The following SHROOM1 variants were observed in gnomAD, a reference collection of about 807,000 sequenced individuals.
SHROOM1 encodes the protein shroom family member 1, also known as protein Shroom1.
SHROOM1 carries 53 observed loss-of-function variants against 64.2 expected under a neutral mutation model. The ratio of observed to expected loss-of-function variants is 0.83; its 90% CI spans 0.66 to 1.04. The LOEUF is 1.04. Among genes scored for constraint, SHROOM1 ranks in the 50% least tolerant of loss-of-function variants. SHROOM1 has a pLI of 0.00. For synonymous variants in SHROOM1, 490 were observed against 518.9 expected (o/e 0.94, Z 0.76); for missense variants, 1,179 against 1,163.2 (o/e 1.01, Z -0.20).
In SHROOM1 at chr5:132,825,266, A is replaced by C; in HGVS notation, c.875T>G (p.Leu292Trp). The C allele has an allele frequency of 1.2e-6, 2 of 1,613,636 alleles. No homozygotes were observed. ...GGGCCTGAAGGCATCACCGAGCTTC[A>C]AGGACCCGGAGTCCAGGTTCATGGA... ...QGSMNLDSGS[L>W]KLGDAFRPAS... Residue 292 changes from leucine to tryptophan, a missense_variant, in exon 4 of 10, where the codon TTG becomes TGG. Transcript: ENST00000378679. This position sits in a 1 kb window ranked among gnomAD's most constrained non-coding sequence, Gnocchi z 5.1.
chr5:132,823,744 G>A lies in SHROOM1; in HGVS notation c.1832C>T (p.Thr611Ile), dbSNP rs1277960252. 7.5e-6 allele frequency: 12 copies of A among 1,599,938 alleles called. No individual in the cohort carries two copies. The highest frequency in any genetic ancestry group is 1.0e-5 in the Non-Finnish European group (12 of 1,173,684). The change falls in exon 8 of 10, where the codon ACC becomes ATC. Residue 611 changes from threonine to isoleucine, a missense_variant. By Grantham distance (89) the Thr-to-Ile change is moderately conservative (BLOSUM62 -1). Coordinates refer to ENST00000378679, the MANE Select transcript of SHROOM1 (RefSeq NM_001172700.2). This position sits in a 1 kb window ranked among gnomAD's most constrained non-coding sequence, Gnocchi z 4.6. ...FEPGSYQFSF[T>I]QLLPAPREET... ...CTCCCGAGGAGCCGGCAGGAGCTGG[G>A]TGAAGCTGAACTGATAGGACCTGGG...
intron 2 of SHROOM1, among the ~76,000 whole-genome samples, chr5:132,826,845 C>G (rs1340769590): frequency 1.3e-5 from 2 of 152,216 alleles, no homozygotes; most frequent in Admixed American, 1.3e-4. Flanking sequence ...GTGGCAGAAG[C>G]CTGCCTGGAA....
rs768985689 is a variant in SHROOM1 at position 132,829,928 on chromosome 5, G to A, written c.-501+666C>T. 485 of 985,488 alleles carry A rather than the reference G, an allele frequency of 4.9e-4. 2 individuals carry two copies. Among genetic ancestry groups the A allele is most frequent in the Admixed American group, 2.2e-3 (36 of 16,296 alleles). The allele number at this position is 985,488 out of a possible 1,614,324, so 61.0% of individuals were successfully genotyped here. ...GCTCATCGGTCGCTGCACCCCAGATGCAGAGTCTCTGGAGACCCGAGCTCC... is the reference window on the plus strand; with the variant it reads ...GCTCATCGGTCGCTGCACCCCAGATACAGAGTCTCTGGAGACCCGAGCTCC... On this transcript the variant is annotated intron_variant, in intron 1 of 9. Coordinates refer to ENST00000378679, the MANE Select transcript of SHROOM1 (RefSeq NM_001172700.2).
Position 132,826,061 on chromosome 5 carries a change from A to G in SHROOM1, c.80T>C (p.Met27Thr), listed in dbSNP as rs1758688283. ...TSSLDLWHLS[M>T]RADSAYSSFS... ...AGAGCTGTAGGCCGAGTCCGCGCGC[A>G]TGGACAGATGCCACAGGTCCAGGCT... Residue 27 changes from methionine to threonine, a missense_variant, in exon 4 of 10, where the codon ATG becomes ACG. Transcript: ENST00000378679. The G allele has an allele frequency of 2.0e-6, 3 of 1,463,650 alleles. No homozygotes were observed. Among genetic ancestry groups the G allele is most frequent in the African/African-American group, 1.4e-5 (1 of 69,092 alleles). The allele number at this position is 1,463,650 out of a possible 1,614,324, so 90.7% of individuals were successfully genotyped here. A position where few individuals can be genotyped will look rare whatever the true frequency, so the allele number is the denominator to read the frequency against.
intron 2 of SHROOM1, among the ~76,000 whole-genome samples, chr5:132,826,949 C>A (rs1255664498): frequency 6.6e-6 from 1 of 152,226 alleles, no homozygotes; most frequent in Non-Finnish European, 1.5e-5. Context: ...TGTTCCCCAA[C>A]AGCCTGAATC....
In SHROOM1 at chr5:132,823,390, G is replaced by C; in HGVS notation, c.2086C>G (p.Pro696Ala). 6.2e-7 allele frequency: 1 copy of C among 1,610,234 alleles called. No individual in the cohort carries two copies. The highest frequency in any genetic ancestry group is 8.5e-7 in the Non-Finnish European group (1 of 1,179,786). ...CGGCTGAACCGCTCCAGCTCCTGAGGGGCACAGGCCTGGCGCACTGCAGCC... is the reference window on the plus strand; with the variant it reads ...CGGCTGAACCGCTCCAGCTCCTGAGCGGCACAGGCCTGGCGCACTGCAGCC... The part of the protein sequence containing the change: ...LEAAVRQACA[P>A]QELERFSRFM... Residue 696 changes from proline (P) to alanine (A), a missense_variant, in exon 9 of 10, where the codon CCT (proline) becomes GCT (alanine). Pro to Ala is a conservative substitution (Grantham distance 27, BLOSUM62 -1). Coordinates refer to ENST00000378679, the MANE Select transcript of SHROOM1 (RefSeq NM_001172700.2). This position sits in a 1 kb window ranked among gnomAD's most constrained non-coding sequence, Gnocchi z 4.6.
Position 132,830,571 on chromosome 5 carries a change from G to C in SHROOM1, c.-501+23C>G, listed in dbSNP as rs1391123135. On this transcript the variant is annotated intron_variant, in intron 1 of 9. Coordinates refer to ENST00000378679, the MANE Select transcript of SHROOM1 (RefSeq NM_001172700.2). This position sits in a 1 kb window ranked among gnomAD's most constrained non-coding sequence, Gnocchi z 5.9. ...AAGCGGACCCAGCCGCCCGCTTCCC[G>C]CTCCCCCGCCCCCGCCGCGTACCTG... 1 of 985,172 alleles carries C rather than the reference G, an allele frequency of 1.0e-6. No homozygotes were observed. Among genetic ancestry groups the C allele is most frequent in the Non-Finnish European group, 1.2e-6 (1 of 829,790 alleles). 61.0% of individuals were successfully genotyped at this position (985,172 alleles called of 1,614,324 possible). A position where few individuals can be genotyped will look rare whatever the true frequency, so the allele number is the denominator to read the frequency against.
In SHROOM1 at chr5:132,823,988, T is replaced by A. The variant is rs769006102; in HGVS notation, c.1673A>T (p.Asp558Val). ...ELARLDPSLCDPLASQPSPEP... is the reference protein window; with the variant it reads ...ELARLDPSLCVPLASQPSPEP... ...TGGGCTGGGCTGGGAAGCAAGAGGG[T>A]CACATAGAGAGGGATCTAATCTGGC... Residue 558 changes from aspartate (D) to valine (V), a missense_variant, in exon 7 of 10, where the codon GAC becomes GTC. Coordinates refer to ENST00000378679, the MANE Select transcript of SHROOM1 (RefSeq NM_001172700.2). The surrounding 1 kb of genome is among the most constrained non-coding windows in gnomAD (Gnocchi z 4.6). 2.5e-6 allele frequency: 4 copies of A among 1,605,038 alleles called. No individual in the cohort carries two copies. Among genetic ancestry groups the A allele is most frequent in the Non-Finnish European group, 1.7e-6 (2 of 1,175,556 alleles).
Position 132,826,434 on chromosome 5 carries a change from C to G in SHROOM1, c.-200G>C. Reference sequence around the variant, plus strand: ...TCAGGGGAAGGAATTGGGACCAGCTCATTCCCTGCCAGGCTCCCCTTGCCC... The same window carrying G: ...TCAGGGGAAGGAATTGGGACCAGCTGATTCCCTGCCAGGCTCCCCTTGCCC... On this transcript the variant is annotated 5_prime_UTR_variant, in exon 3 of 10. An upstream start codon of the reference 5' UTR is lost. Coordinates refer to ENST00000378679, the MANE Select transcript of SHROOM1 (RefSeq NM_001172700.2). 1 of 431,112 alleles carries G rather than the reference C, an allele frequency of 2.3e-6. No individual in the cohort carries two copies. The highest frequency in any genetic ancestry group is 1.2e-4 in the South Asian group (1 of 8,082). 26.7% of individuals were successfully genotyped at this position (431,112 alleles called of 1,614,324 possible).
intron 2 of SHROOM1, among the ~76,000 whole-genome samples, chr5:132,826,946 C>G (rs1199086551): frequency 6.6e-6 from 1 of 152,190 alleles, no homozygotes; most frequent in Non-Finnish European, 1.5e-5. Context: ...TCCTGTTCCC[C>G]AACAGCCTGA....
Position 132,825,577 on chromosome 5 carries a change from C to G in SHROOM1, c.564G>C (p.Ser188=). ...CCCCCTCCCCGCCCGGGTGGCTGAG[C>G]GAGGCGGAGCGCGGGTGAGTCGCCG... ...RPPATHPRSA[S]LSHPGGEGEP... Residue 188 remains serine (S), a synonymous_variant, in exon 4 of 10, where the codon TCG becomes TCC. Coordinates refer to ENST00000378679, the MANE Select transcript of SHROOM1 (RefSeq NM_001172700.2). This position sits in a 1 kb window ranked among gnomAD's most constrained non-coding sequence, Gnocchi z 5.1. 1 of 1,400,740 alleles carries G rather than the reference C, an allele frequency of 7.1e-7. No individual in the cohort carries two copies. The allele number at this position is 1,400,740 out of a possible 1,614,324, so 86.8% of individuals were successfully genotyped here. A position where few individuals can be genotyped will look rare whatever the true frequency, so the allele number is the denominator to read the frequency against.
rs1758804293 is a variant in SHROOM1 at position 132,830,151 on chromosome 5, T to G, written c.-501+443A>C. 1.5e-5 allele frequency: 15 copies of G among 984,570 alleles called. No homozygotes were observed. Among genetic ancestry groups the G allele is most frequent in the Non-Finnish European group, 1.8e-5 (15 of 829,698 alleles). The allele number at this position is 984,570 out of a possible 1,614,324, so 61.0% of individuals were successfully genotyped here. A position where few individuals can be genotyped will look rare whatever the true frequency, so the allele number is the denominator to read the frequency against. On this transcript the variant is annotated intron_variant, in intron 1 of 9. Transcript: ENST00000378679. This position sits in a 1 kb window ranked among gnomAD's most constrained non-coding sequence, Gnocchi z 5.9. ...AGCAGATGGCCGCAGCCCCGCGCAG[T>G]TCTGGGCCTTTCCCGTTGGGTTCAC... is the stretch of plus-strand genomic sequence containing the variant.
Position 132,825,361 on chromosome 5 carries a change from G to C in SHROOM1, c.780C>G (p.Phe260Leu), listed in dbSNP as rs1758637184. 2 of 1,599,628 alleles carry C rather than the reference G, an allele frequency of 1.3e-6. No individual in the cohort carries two copies. The highest frequency in any genetic ancestry group is 1.7e-5 in the Admixed American group (1 of 59,688). The part of the protein sequence containing the change: ...SGLPGPEPLE[F>L]QHPALAKFED... The stretch of plus-strand genomic sequence containing the variant: ...CAAACTTAGCCAGCGCCGGATGCTG[G>C]AACTCCAAGGGCTCGGGCCCAGGGA... The change falls in exon 4 of 10, where the codon TTC becomes TTG. Residue 260 changes from phenylalanine to leucine, a missense_variant. Coordinates refer to ENST00000378679, the MANE Select transcript of SHROOM1 (RefSeq NM_001172700.2). The surrounding 1 kb of genome is among the most constrained non-coding windows in gnomAD (Gnocchi z 5.1).
At position 132,823,085 on chromosome 5, in the gene SHROOM1, TCC is replaced by T; in HGVS notation, c.2268_2269del (p.Glu757GlyfsTer113). On this transcript the variant is annotated frameshift_variant, in exon 10 of 10. Transcript: ENST00000378679. LOFTEE classifies it high-confidence loss of function. The surrounding 1 kb of genome is among the most constrained non-coding windows in gnomAD (Gnocchi z 4.6). ...GTGCTCCTTCAGCTCCTTGGCGTCC[TCC>T]TCCTGCCGCTGCAGGAGCCGGAGTC... 1 of 1,584,328 alleles carries T rather than the reference TCC, an allele frequency of 6.3e-7. No homozygotes were observed. Among genetic ancestry groups the T allele is most frequent in the Non-Finnish European group, 8.5e-7 (1 of 1,172,618 alleles).
chr5:132,827,403 T>G (rs1215259123), intron 2 of SHROOM1, 58 bp downstream of exon 2: 1 of 152,154 alleles, frequency 6.6e-6, no homozygotes, highest in Non-Finnish European at 1.5e-5. Flanking sequence ...GATCACTAGG[T>G]AAAGAGATCA....
Position 132,822,873 on chromosome 5 carries a change from C to T in SHROOM1, c.2482G>A (p.Ala828Thr). 6.2e-7 allele frequency: 1 copy of T among 1,613,598 alleles called. No homozygotes were observed. Among genetic ancestry groups the T allele is most frequent in the Non-Finnish European group, 8.5e-7 (1 of 1,179,986 alleles). The stretch of plus-strand genomic sequence containing the variant: ...GGCCGCGCCGGGCTGGGAGACGGGG[C>T]ATGATGGCCAAGGTCGTCCCTGATG... ...DAIRDDLGHH[A>T]PSPSPARPPG... The change falls in exon 10 of 10, where the codon GCC becomes ACC. Residue 828 changes from alanine (A) to threonine (T), a missense_variant. Transcript: ENST00000378679.
In SHROOM1 at chr5:132,825,596, G is replaced by C. The variant is rs1488646478; in HGVS notation, c.545C>G (p.Thr182Ser). The change falls in exon 4 of 10, where the codon ACT becomes AGT. Residue 182 changes from threonine to serine, a missense_variant. By Grantham distance (58) the Thr-to-Ser change is moderately conservative. Coordinates refer to ENST00000378679, the MANE Select transcript of SHROOM1 (RefSeq NM_001172700.2). This position sits in a 1 kb window ranked among gnomAD's most constrained non-coding sequence, Gnocchi z 5.1. ...RPTVPARPPA[T>S]HPRSASLSHP... is the part of the protein sequence containing the mutation. ...GCTGAGCGAGGCGGAGCGCGGGTGA[G>C]TCGCCGGGGGCCGCGCTGGGACAGT... is the stretch of plus-strand genomic sequence containing the variant. 4 of 1,382,642 alleles carry C rather than the reference G, an allele frequency of 2.9e-6. No individual in the cohort carries two copies. In the Admixed American group the frequency reaches 1.5e-4, roughly 50 times the overall value. 85.6% of individuals were successfully genotyped at this position (1,382,642 alleles called of 1,614,324 possible).
rs1483604259 is a variant in SHROOM1, at chr5:132,825,879, C to CGGGCCG, written c.256_261dup (p.Arg86_Pro87dup). The CGGGCCG allele has an allele frequency of 6.1e-6, 8 of 1,301,776 alleles. No individual in the cohort carries two copies. In the East Asian group the frequency reaches 1.9e-4, roughly 31 times the overall value. 80.6% of individuals were successfully genotyped at this position (1,301,776 alleles called of 1,614,324 possible). ...TGCGGCCCACTGCGGGCTGCAACCG[C>CGGGCCG]GGGCCGGGGCCGCGGGGATGTGCAA... On this transcript the variant is annotated inframe_insertion, in exon 4 of 10. Coordinates refer to ENST00000378679, the MANE Select transcript of SHROOM1 (RefSeq NM_001172700.2). This position sits in a 1 kb window ranked among gnomAD's most constrained non-coding sequence, Gnocchi z 5.1.
Position 132,822,872 on chromosome 5 carries a change from G to A in SHROOM1, c.2483C>T (p.Ala828Val), listed in dbSNP as rs142931002. ...GGGCCGCGCCGGGCTGGGAGACGGG[G>A]CATGATGGCCAAGGTCGTCCCTGAT... ...DAIRDDLGHH[A>V]PSPSPARPPG... The change falls in exon 10 of 10, where the codon GCC becomes GTC. Residue 828 changes from alanine to valine, a missense_variant. Coordinates refer to ENST00000378679, the MANE Select transcript of SHROOM1 (RefSeq NM_001172700.2). 94 of 1,613,562 alleles carry A rather than the reference G, an allele frequency of 5.8e-5. No homozygotes were observed. The East Asian group carries it at 2.0e-3, about 35-fold the overall frequency.
Sources: gnomAD v4.1 joint callset for allele counts (sites outside exome capture counted in the v4.1 genomes callset) on GRCh38, gnomAD v4.1.1 for gene constraint, Gnocchi (gnomAD v3.1) non-coding constraint, MANE v1.5 for transcripts, NCBI Gene and HGNC (gene_info 2026-07-23, HGNC 2026-07-21) for gene names.